Variants in GPC5 observed in about 807,000 individuals in gnomAD.
GPC5 encodes glypican-5.
A neutral mutation model predicts 53.9 loss-of-function variants in GPC5; 47 were observed. That is an observed-to-expected ratio of 0.87 (90% confidence interval 0.69 to 1.11). The LOEUF (loss-of-function observed/expected upper bound fraction) is 1.11, where lower values mean the gene tolerates loss of function less well. Among genes scored for constraint, GPC5 ranks in the 50% most tolerant of loss-of-function variants. The pLI is 0.00. For synonymous variants in GPC5, 286 were observed against 263.3 expected (o/e 1.09, Z -0.84); for missense variants, 748 against 713.1 (o/e 1.05, Z -0.56).
chr13:92,365,614 T>C (rs1450152729), intron 7 of GPC5, among the ~76,000 whole-genome samples: 1 of 151,704 alleles, frequency 6.6e-6, no homozygotes, highest in Non-Finnish European at 1.5e-5. Flanking sequence ...ATTTTCTGTC[T>C]TTATATCCTT....
chr13:91,806,021 ATTTTTTTTT>A (rs71113764), intron 5 of GPC5, among the ~76,000 whole-genome samples: 8 of 48,560 alleles, frequency 1.6e-4, no homozygotes, highest in African/African-American at 3.5e-4. Flanking sequence ...AAATACAATA[ATTTTTTTTT>A]TTTTTTTTTT....
chr13:91,476,625 C>G (rs934349169), intron 2 of GPC5, among the ~76,000 whole-genome samples: 9 of 152,012 alleles, frequency 5.9e-5, no homozygotes, highest in Non-Finnish European at 1.0e-4. Flanking sequence ...AATTTGCAGA[C>G]AATAAGGTCC....
At chr13:91,959,858 A>G (rs546688757) in intron 6 of GPC5, among the ~76,000 whole-genome samples, 15 of 152,206 alleles carry the variant, frequency 9.9e-5, no homozygotes, top group African/African-American at 3.6e-4. Context: ...GACAAAAGCC[A>G]GATGCAGGAA....
intron 7 of GPC5, among the ~76,000 whole-genome samples, chr13:92,834,379 G>GT (rs1421544158): frequency 6.6e-6 from 1 of 152,020 alleles, no homozygotes; most frequent in Non-Finnish European, 1.5e-5. Flanking sequence ...ATCCCAATGG[G>GT]TATTGTTACA....
chr13:92,137,836 C>T (rs2041797318), intron 6 of GPC5, among the ~76,000 whole-genome samples: 1 of 152,092 alleles, frequency 6.6e-6, no homozygotes, highest in Non-Finnish European at 1.5e-5. Context: ...AAATGTGTGG[C>T]CCAGAGAAGT....
At chr13:92,758,430 C>T (rs1257295849) in intron 7 of GPC5, among the ~76,000 whole-genome samples, 2 of 151,742 alleles carry the variant, frequency 1.3e-5, no homozygotes, top group Non-Finnish European at 2.9e-5. Flanking sequence ...ACGTATGTAA[C>T]TAACCTGCAC....
chr13:91,541,818 TTAATTAATA>T (rs2029950381), intron 2 of GPC5, among the ~76,000 whole-genome samples: 1 of 137,054 alleles, frequency 7.3e-6, no homozygotes. Flanking sequence ...AACTTCCATA[TTAATTAATA>T]ATAAAAAAGC....
chr13:92,164,722 T>A (rs9556155), intron 7 of GPC5, among the ~76,000 whole-genome samples: 5,845 of 152,274 alleles, frequency 0.038, 251 homozygotes, highest in African/African-American at 0.098. Flanking sequence ...GTGGGGATTT[T>A]TTGTGTGGGG....
At chr13:92,764,402 T>A (rs935271108) in intron 7 of GPC5, among the ~76,000 whole-genome samples, 7 of 152,174 alleles carry the variant, frequency 4.6e-5, no homozygotes, top group African/African-American at 1.7e-4. Flanking sequence ...GTATGGCTCA[T>A]GGGGGCTAGG....
intron 5 of GPC5, among the ~76,000 whole-genome samples, chr13:91,841,075 C>A (rs1456943275): frequency 6.6e-6 from 1 of 151,408 alleles, no homozygotes; most frequent in African/African-American, 2.4e-5. Context: ...AGCGTGAAAG[C>A]TAGTTTCACT....
Position 92,421,449 on chromosome 13 carries a change from C to T in GPC5, c.1561+276460C>T, listed in dbSNP as rs186324845. 5.5e-3 allele frequency among the ~76,000 whole-genome samples: 841 copies of T among 152,144 alleles called. 6 individuals are homozygous for T. The highest frequency in any genetic ancestry group is 0.011 in the Admixed American group (163 of 15,278). ...GCGCGGTGGCTCACGCCTGTAATCC[C>T]AGCACTTTGGGAGGCCGAGGCGGGT... On this transcript the variant is annotated intron_variant, in intron 7 of 7. Transcript: ENST00000377067.
At chr13:92,573,483 A>G (rs1422771732) in intron 7 of GPC5, among the ~76,000 whole-genome samples, 1 of 152,112 alleles carries the variant, frequency 6.6e-6, no homozygotes, top group African/African-American at 2.4e-5. Context: ...GATTTCTTAG[A>G]TTCTGTTATA....
intron 7 of GPC5, among the ~76,000 whole-genome samples, chr13:92,752,515 T>A (rs952431152): frequency 2.6e-5 from 4 of 152,076 alleles, no homozygotes; most frequent in African/African-American, 4.8e-5. Flanking sequence ...ATAGCTCCGG[T>A]CTACAGCTCC....
At chr13:92,842,992 A>G (rs1485410289) in intron 7 of GPC5, among the ~76,000 whole-genome samples, 9 of 152,212 alleles carry the variant, frequency 5.9e-5, no homozygotes, top group African/African-American at 1.7e-4. Context: ...TAACTGCTTC[A>G]ACAAGTATTT....
chr13:92,640,828 A>G (rs1885571360), intron 7 of GPC5, among the ~76,000 whole-genome samples: 1 of 152,190 alleles, frequency 6.6e-6, no homozygotes, highest in Non-Finnish European at 1.5e-5. Context: ...TAAATAAAGT[A>G]GGATGATTAA....
At chr13:92,101,171 T>C (rs2041463818) in intron 6 of GPC5, among the ~76,000 whole-genome samples, 1 of 152,172 alleles carries the variant, frequency 6.6e-6, no homozygotes, top group African/African-American at 2.4e-5. Flanking sequence ...AATTAACGAA[T>C]TTGAAATGAA....
chr13:92,335,627 C>T (rs1594108731), intron 7 of GPC5, among the ~76,000 whole-genome samples: 1 of 152,094 alleles, frequency 6.6e-6, no homozygotes, highest in Admixed American at 6.5e-5. Context: ...GCTCTGCTTC[C>T]TCTGGAATGC....
chr13:91,975,013 A>G (rs2040284837), intron 6 of GPC5, among the ~76,000 whole-genome samples: 1 of 152,218 alleles, frequency 6.6e-6, no homozygotes, highest in Non-Finnish European at 1.5e-5. Context: ...AAAACAAGCA[A>G]TGGGGAAAGG....
At chr13:92,042,546 G>A (rs1312083608) in intron 6 of GPC5, among the ~76,000 whole-genome samples, 3 of 152,008 alleles carry the variant, frequency 2.0e-5, no homozygotes, top group Admixed American at 6.5e-5. Context: ...CATACCACGG[G>A]GAAAATAGAC....
Sources: allele counts gnomAD v4.1 joint callset (sites outside exome capture counted in the v4.1 genomes callset), GRCh38; gene constraint gnomAD v4.1.1; transcripts MANE v1.5; gene names NCBI Gene and HGNC (gene_info 2026-07-23, HGNC 2026-07-21).